Variants in NSMAF observed in about 807,000 individuals in gnomAD.
The protein encoded by NSMAF is protein FAN.
NSMAF carries 90 observed loss-of-function variants against 134.9 expected under a neutral mutation model. The ratio of observed to expected loss-of-function variants is 0.67; its 90% CI spans 0.56 to 0.79. The LOEUF is 0.79. NSMAF is among the 30% of genes least tolerant of loss of function. The pLI, the probability that NSMAF is intolerant of heterozygous loss-of-function variation, is 0.00. For missense variants in NSMAF, 1,010 were observed against 1,119.0 expected (o/e 0.90, Z 1.39); for synonymous variants, 358 against 389.6 (o/e 0.92, Z 0.96).
chr8:58,656,291 G>A (rs535443552), intron 1 of NSMAF, among the ~76,000 whole-genome samples: 1 of 152,236 alleles, frequency 6.6e-6, no homozygotes, highest in South Asian at 2.1e-4. Context: ...CGTGAGCCCT[G>A]TGTCTGGCCT....
At chr8:58,625,540 T>C (rs1266977667) in intron 6 of NSMAF, among the ~76,000 whole-genome samples, 1 of 152,212 alleles carries the variant, frequency 6.6e-6, no homozygotes, top group East Asian at 1.9e-4. Context: ...TTACATAATA[T>C]CCTTCGTCTC....
chr8:58,646,781 C>T (rs1807464178), intron 1 of NSMAF, among the ~76,000 whole-genome samples: 1 of 152,042 alleles, frequency 6.6e-6, no homozygotes, highest in South Asian at 2.1e-4. Flanking sequence ...ATTGGATGGT[C>T]TCATCCTTTG....
intron 24 of NSMAF, 73 bp from the exon 25 acceptor site, chr8:58,590,147 T>C (rs564280029): frequency 2.0e-5 from 27 of 1,325,960 alleles, no homozygotes; most frequent in African/African-American, 4.4e-5. Context: ...AGCTATCTTA[T>C]ACATTTCCGA....
chr8:58,609,834 C>CTGT (rs1806487631), intron 9 of NSMAF, 101 bp from the exon 10 acceptor site: 5 of 1,029,240 alleles, frequency 4.9e-6, no homozygotes, highest in Non-Finnish European at 5.7e-6. Flanking sequence ...TGACATTTGT[C>CTGT]TAAACACTAC....
chr8:58,634,187 C>T (rs934770605), intron 5 of NSMAF, among the ~76,000 whole-genome samples: 3 of 152,268 alleles, frequency 2.0e-5, no homozygotes, highest in Middle Eastern at 3.4e-3. Flanking sequence ...GTTAAAACAA[C>T]ATGAAGTTGA....
intron 10 of NSMAF, among the ~76,000 whole-genome samples, chr8:58,609,172 T>G (rs1227845937): frequency 2.6e-5 from 4 of 152,378 alleles, no homozygotes; most frequent in Admixed American, 1.3e-4. Context: ...TCAGATCTAC[T>G]GAGGTTGTTC....
At chr8:58,643,449 T>C (rs1014540439) in intron 1 of NSMAF, among the ~76,000 whole-genome samples, 2 of 152,048 alleles carry the variant, frequency 1.3e-5, no homozygotes, top group Admixed American at 1.3e-4. Context: ...CCCCACCTCT[T>C]CCCTGTCATA....
At chr8:58,604,535 A>G (rs1806359264) in intron 12 of NSMAF, among the ~76,000 whole-genome samples, 1 of 135,296 alleles carries the variant, frequency 7.4e-6, no homozygotes, top group Non-Finnish European at 1.6e-5. Context: ...TATAAACTAT[A>G]TATAACTACA....
intron 22 of NSMAF, chr8:58,594,634 C>T (rs1302206764): frequency 1.0e-5 from 3 of 288,804 alleles, no homozygotes; most frequent in Non-Finnish European, 2.0e-5. Context: ...TCTTCACAGT[C>T]ACTTCACTTG....
chr8:58,640,213 G>GTAAC, intron 2 of NSMAF: 1 of 338,792 alleles, frequency 3.0e-6, no homozygotes. Flanking sequence ...ACAAAAGAAG[G>GTAAC]TAACTGTGAG....
chr8:58,623,186 C>T, intron 9 of NSMAF, 34 bp downstream of exon 9: 1 of 1,522,588 alleles, frequency 6.6e-7, no homozygotes, highest in Admixed American at 1.7e-5. Flanking sequence ...ATGTCCACCA[C>T]TTTTCTAATT....
chr8:58,585,561 GC>G (rs1343824842), intron 30 of NSMAF, 90 bp downstream of exon 30: 33 of 907,696 alleles, frequency 3.6e-5, no homozygotes, highest in Non-Finnish European at 5.8e-5. Context: ...GGTGTTTTTT[GC>G]CCAAAAAGAG....
In NSMAF at chr8:58,590,008, C is replaced by A. The variant is rs142844478; in HGVS notation, c.2086G>T (p.Val696Phe). 1.1e-5 allele frequency: 18 copies of A among 1,612,972 alleles called. No homozygotes were observed. The Admixed American group carries it at 1.7e-4, about 15-fold the overall frequency. Residue 696 changes from valine (V) to phenylalanine (F), a missense_variant and splice_region_variant, in exon 25 of 31, where the codon GTC becomes TTC. Val to Phe is a conservative substitution (Grantham distance 50, BLOSUM62 -1). Transcript: ENST00000038176. Reference protein sequence around the residue: ...TVITSSWDNNVYFYSIAFGRR... With the variant: ...TVITSSWDNNFYFYSIAFGRR... ...AGAGCAGGGTGCACAGATACATACA[C>A]ATTATTATCCCATGAAGAAGTTATG...
At position 58,583,664 on chromosome 8, in the gene NSMAF, A is replaced by C; in HGVS notation, c.*442T>G. On this transcript the variant is annotated 3_prime_UTR_variant, in exon 31 of 31. Coordinates refer to ENST00000038176, the MANE Select transcript of NSMAF (RefSeq NM_003580.4). The stretch of plus-strand genomic sequence containing the variant: ...TAGAAAGTAACCACGCTATGAAAAC[A>C]CACACCCAAAACCCGATGGGTGGCA... 1 of 211,130 alleles carries C rather than the reference A, an allele frequency of 4.7e-6. No homozygotes were observed. The highest frequency in any genetic ancestry group is 7.1e-5 in the South Asian group (1 of 14,084). The allele number at this position is 211,130 out of a possible 1,614,324, so 13.1% of individuals were successfully genotyped here.
chr8:58,635,419 C>T (rs1337353973), intron 3 of NSMAF, 47 bp from the exon 4 acceptor site: 1 of 1,569,780 alleles, frequency 6.4e-7, no homozygotes, highest in East Asian at 2.2e-5. Flanking sequence ...AAAGGTAAGA[C>T]ATACACAAAA....
rs115905537 is a variant in NSMAF, at chr8:58,597,646, C to T, written c.1629-96G>A. On this transcript the variant is annotated intron_variant, in intron 20 of 30. Transcript: ENST00000038176. ...AGTACTGATCAATAGGAGGGACTAACCCTCAAATAATGACAGCAACTATGT... is the reference window on the plus strand; with the variant it reads ...AGTACTGATCAATAGGAGGGACTAATCCTCAAATAATGACAGCAACTATGT... 9.4e-4 allele frequency: 1,134 copies of T among 1,200,622 alleles called. 10 individuals are homozygous for T. The African/African-American group carries it at 0.016, about 17-fold the overall frequency. 74.4% of individuals were successfully genotyped at this position (1,200,622 alleles called of 1,614,324 possible). A position where few individuals can be genotyped will look rare whatever the true frequency, so the allele number is the denominator to read the frequency against.
At chr8:58,626,037 C>T (rs1229044475) in intron 6 of NSMAF, among the ~76,000 whole-genome samples, 5 of 150,466 alleles carry the variant, frequency 3.3e-5, no homozygotes, top group Non-Finnish European at 5.9e-5. Context: ...TTTTTTTATC[C>T]GTCATCACCA....
intron 1 of NSMAF, among the ~76,000 whole-genome samples, chr8:58,646,704 T>C (rs538854100): frequency 1.3e-5 from 2 of 152,304 alleles, no homozygotes; most frequent in Admixed American, 6.5e-5. Flanking sequence ...ACAATGATTT[T>C]CAAACTACAT....
Position 58,597,869 on chromosome 8 carries a change from T to C in NSMAF, c.1619A>G (p.Asp540Gly). The C allele has an allele frequency of 6.2e-7, 1 of 1,603,172 alleles. No individual in the cohort carries two copies. Among genetic ancestry groups the C allele is most frequent in the African/African-American group, 1.3e-5 (1 of 74,808 alleles). ...ATTGACATATAAGTACCTGTTCAAGTCTACACCTCCTTCATAGGTCAGGGG... is the reference window on the plus strand; with the variant it reads ...ATTGACATATAAGTACCTGTTCAAGCCTACACCTCCTTCATAGGTCAGGGG... ...FHPLTYEGGV[D>G]LNSIQDPDEK... Residue 540 changes from aspartate (D) to glycine (G), a missense_variant, in exon 20 of 31, where the codon GAC becomes GGC. Physicochemically the swap from Asp to Gly is moderately conservative, Grantham distance 94 (BLOSUM62 -1). Coordinates refer to ENST00000038176, the MANE Select transcript of NSMAF (RefSeq NM_003580.4).
Sources: gnomAD v4.1 joint callset for allele counts (sites outside exome capture counted in the v4.1 genomes callset) on GRCh38, gnomAD v4.1.1 for gene constraint, MANE v1.5 for transcripts, NCBI Gene and HGNC (gene_info 2026-07-23, HGNC 2026-07-21) for gene names.